CSPP1: variants seen among roughly 807,000 people sequenced by gnomAD.
The protein encoded by CSPP1 is centrosome and spindle pole-associated protein 1.
A neutral mutation model predicts 164.4 loss-of-function variants in CSPP1; 126 were observed. That is an observed-to-expected ratio of 0.77 (90% CI 0.66 to 0.89). The LOEUF is 0.89. Ranked by LOEUF, CSPP1 falls within the 40% of genes least tolerant of loss-of-function variation. The pLI is 0.00. For missense variants in CSPP1, 1,395 were observed against 1,449.8 expected, an observed-to-expected ratio of 0.96 and a Z score of 0.61; for synonymous variants, 472 against 476.7, an observed-to-expected ratio of 0.99 and a Z score of 0.13.
chr8:67,185,685 G>A (rs1184826617), intron 28 of CSPP1, among the ~76,000 whole-genome samples: 1 of 152,162 alleles, frequency 6.6e-6, no homozygotes, highest in Non-Finnish European at 1.5e-5. Context: ...ACCCCTGGAG[G>A]TGGTAGCAAG....
intron 23 of CSPP1, 144 bp downstream of exon 23, chr8:67,163,942 GT>G: frequency 1.6e-6 from 1 of 622,516 alleles, no homozygotes; most frequent in East Asian, 2.8e-5. Context: ...TTCCCCTGGG[GT>G]AACATCTTAG....
At chr8:67,171,825 G>A (rs1830515758) in intron 24 of CSPP1, among the ~76,000 whole-genome samples, 1 of 150,996 alleles carries the variant, frequency 6.6e-6, no homozygotes, top group Non-Finnish European at 1.5e-5. Flanking sequence ...TGGGATTACA[G>A]GTGTGAGCCA....
chr8:67,146,338 G>T (rs1824555050), intron 17 of CSPP1, among the ~76,000 whole-genome samples: 1 of 151,622 alleles, frequency 6.6e-6, no homozygotes, highest in African/African-American at 2.4e-5. Flanking sequence ...TGCCCAGCTG[G>T]TCTCAAACTC....
chr8:67,093,479 A>G, intron 5 of CSPP1, 64 bp from the exon 6 acceptor site: 1 of 924,820 alleles, frequency 1.1e-6, no homozygotes, highest in African/African-American at 1.6e-5. Context: ...TTCTGATAGG[A>G]CATTGAGGGA....
intron 19 of CSPP1, among the ~76,000 whole-genome samples, chr8:67,155,105 C>G (rs1013504255): frequency 6.6e-6 from 1 of 152,194 alleles, no homozygotes; most frequent in East Asian, 1.9e-4. Context: ...ATGAAGCAAA[C>G]AGACTTACTC....
rs761011458 is a variant in CSPP1 at position 67,158,614 on chromosome 8, A to C, written c.2391+18A>C. On this transcript the variant is annotated intron_variant, in intron 20 of 30. Transcript: ENST00000678616. ...AGGAGGAGGTACATCTTTTTTCCCT[A>C]TTGTATTTTACTACTTAGTCTGAAG... The C allele has an allele frequency of 6.4e-7, 1 of 1,559,478 alleles. No homozygotes were observed. The highest frequency in any genetic ancestry group is 8.7e-7 in the Non-Finnish European group (1 of 1,154,524).
intron 30 of CSPP1, 25 bp from the exon 31 acceptor site, chr8:67,195,357 G>A (rs747288364): frequency 1.3e-6 from 2 of 1,552,910 alleles, no homozygotes; most frequent in South Asian, 2.2e-5. Context: ...TGTTACCTGA[G>A]CCACGTGTCC....
chr8:67,122,862 T>G (rs575619259), intron 15 of CSPP1, among the ~76,000 whole-genome samples: 1 of 152,040 alleles, frequency 6.6e-6, no homozygotes, highest in African/African-American at 2.4e-5. Flanking sequence ...TGTTCTGATA[T>G]ACAGTCTTGC....
intron 29 of CSPP1, among the ~76,000 whole-genome samples, chr8:67,193,233 G>T (rs562839683): frequency 1.6e-3 from 240 of 152,088 alleles, no homozygotes; most frequent in African/African-American, 5.6e-3. Context: ...AAGTAGCCGG[G>T]GACTACAGGC....
intron 1 of CSPP1, among the ~76,000 whole-genome samples, chr8:67,067,022 C>T (rs1337142791): frequency 1.3e-5 from 2 of 152,114 alleles, no homozygotes; most frequent in Admixed American, 1.3e-4. Flanking sequence ...TCCCAAAGTG[C>T]TGGGATTACA....
In CSPP1 at chr8:67,149,947, C is replaced by CTTT. The variant is rs11296619; in HGVS notation, c.2128+34_2128+36dup. Reference sequence around the variant, plus strand: ...AAATAAAAGCTCAGGTTTTTAATCACTTTTTTTTTTTTTTTTTTTTTTTTA... The same window carrying CTTT: ...AAATAAAAGCTCAGGTTTTTAATCACTTTTTTTTTTTTTTTTTTTTTTTTTTTA... On this transcript the variant is annotated intron_variant, in intron 18 of 30. Transcript: ENST00000678616. 1.4e-4 allele frequency: 158 copies of CTTT among 1,138,626 alleles called. No homozygotes were observed. The highest frequency in any genetic ancestry group is 3.7e-4 in the South Asian group (17 of 45,686). The allele number at this position is 1,138,626 out of a possible 1,614,324, so 70.5% of individuals were successfully genotyped here.
At chr8:67,078,537 G>T (rs755936212) in intron 3 of CSPP1, among the ~76,000 whole-genome samples, 1 of 152,020 alleles carries the variant, frequency 6.6e-6, no homozygotes, top group Non-Finnish European at 1.5e-5. Flanking sequence ...TATATTTTCT[G>T]TAGAGGTGGT....
intron 17 of CSPP1, among the ~76,000 whole-genome samples, chr8:67,147,183 A>G (rs1824762037): frequency 6.6e-6 from 1 of 152,222 alleles, no homozygotes; most frequent in African/African-American, 2.4e-5. Context: ...CATATAGGGT[A>G]TCTCCTAATG....
chr8:67,099,897 C>CT (rs1051553249), intron 7 of CSPP1, among the ~76,000 whole-genome samples: 2 of 151,638 alleles, frequency 1.3e-5, no homozygotes, highest in Non-Finnish European at 1.5e-5. Context: ...TTCAAGGTTT[C>CT]TTTTTTTTAG....
At chr8:67,077,143 A>C (rs76643470) in intron 3 of CSPP1, among the ~76,000 whole-genome samples, 12,566 of 151,812 alleles carry the variant, frequency 0.083, 1,054 homozygotes, top group African/African-American at 0.22. Context: ...AATATGTAAA[A>C]ATTTTTGTTT....
chr8:67,169,124 G>A (rs1830028010), intron 24 of CSPP1, among the ~76,000 whole-genome samples: 1 of 152,162 alleles, frequency 6.6e-6, no homozygotes, highest in South Asian at 2.1e-4. Flanking sequence ...GGAGGAGTCT[G>A]ACTAAGCCTC....
At chr8:67,128,013 G>T (rs1485035423) in intron 15 of CSPP1, among the ~76,000 whole-genome samples, 1 of 152,124 alleles carries the variant, frequency 6.6e-6, no homozygotes, top group Admixed American at 6.6e-5. Context: ...AATTTAGCAT[G>T]CTTTAATCTT....
At chr8:67,136,494 G>A (rs921313831) in intron 16 of CSPP1, among the ~76,000 whole-genome samples, 4 of 150,102 alleles carry the variant, frequency 2.7e-5, no homozygotes, top group East Asian at 2.0e-4. Flanking sequence ...GCGTGAACCC[G>A]GGAGGCGGAG....
chr8:67,085,885 A>T, intron 3 of CSPP1, 122 bp from the exon 4 acceptor site: 1 of 614,614 alleles, frequency 1.6e-6, no homozygotes, highest in Non-Finnish European at 2.9e-6. Flanking sequence ...TAAAAAACTT[A>T]CCCTAATCCT....
Sources: allele counts gnomAD v4.1 joint callset (sites outside exome capture counted in the v4.1 genomes callset), GRCh38; gene constraint gnomAD v4.1.1; transcripts MANE v1.5; gene names NCBI Gene and HGNC (gene_info 2026-07-23, HGNC 2026-07-21).